Variants in CELF2 observed in about 807,000 individuals in gnomAD.
CELF2 encodes CUGBP Elav-like family member 2.
A neutral mutation model predicts 62.6 loss-of-function variants in CELF2; 8 were observed. The ratio of observed to expected loss-of-function variants is 0.13; its 90% CI spans 0.07 to 0.23. The LOEUF is 0.23. CELF2 is among the 10% of genes least tolerant of loss of function. CELF2 has a pLI of 1.00. For synonymous variants in CELF2, 258 were observed against 250.0 expected (o/e 1.03, Z -0.30); for missense variants, 333 against 671.0 (o/e 0.50, Z 5.56).
chr10:10,820,796 T>G (rs1325639034), intron 1 of CELF2, among the ~76,000 whole-genome samples: 1 of 152,312 alleles, frequency 6.6e-6, no homozygotes, highest in East Asian at 1.9e-4. Context: ...GATTTTGTTC[T>G]CTCATTGTAA....
chr10:10,674,267 G>GT, the CELF2 span, among the ~76,000 whole-genome samples: 814 of 152,198 alleles, frequency 5.3e-3, 5 homozygotes, highest in Middle Eastern at 0.014. Flanking sequence ...ATTTTTATTA[G>GT]TTAATGTCCT....
the CELF2 span, among the ~76,000 whole-genome samples, chr10:10,701,852 G>A: frequency 1.3e-5 from 2 of 152,318 alleles, no homozygotes; most frequent in South Asian, 4.1e-4. Context: ...CCCGTAGTTA[G>A]ACGAATCCCT....
the CELF2 span, among the ~76,000 whole-genome samples, chr10:10,623,085 C>CAA: frequency 0.01 from 573 of 57,188 alleles, 88 homozygotes; most frequent in East Asian, 0.028. Context: ...GACTCCGTCT[C>CAA]AAAAAAAAAA....
chr10:10,891,296 T>G (rs1591599056), intron 1 of CELF2, among the ~76,000 whole-genome samples: 1 of 152,130 alleles, frequency 6.6e-6, no homozygotes, highest in East Asian at 1.9e-4. Flanking sequence ...CAAGCAACAC[T>G]AACTTAGCCT....
rs115184613 is a variant in CELF2, at chr10:11,206,912, G to T, written c.272-10513G>T. 7.5e-3 allele frequency among the ~76,000 whole-genome samples: 1,148 copies of T among 152,274 alleles called. 10 individuals carry two copies. The highest frequency in any genetic ancestry group is 0.026 in the African/African-American group (1,065 of 41,548). ...AATGCACACGTCACCCTACCTTTCT[G>T]ATGCTCAGAGCAGGGTGGGAGAGTT... On this transcript the variant is annotated intron_variant, in intron 2 of 12. Coordinates refer to ENST00000633077, the MANE Select transcript of CELF2 (RefSeq NM_001326342.2).
At chr10:10,630,066 C>G in the CELF2 span, among the ~76,000 whole-genome samples, 1 of 152,048 alleles carries the variant, frequency 6.6e-6, no homozygotes, top group African/African-American at 2.4e-5. Context: ...GCAAGACACT[C>G]CATCTGCTTT....
At chr10:10,753,925 TTTA>T in the CELF2 span, among the ~76,000 whole-genome samples, 1 of 152,118 alleles carries the variant, frequency 6.6e-6, no homozygotes, top group African/African-American at 2.4e-5. Context: ...TAGGTGAGGG[TTTA>T]TTATGAACAG....
chr10:10,691,113 G>A, the CELF2 span, among the ~76,000 whole-genome samples: 18 of 151,578 alleles, frequency 1.2e-4, no homozygotes, highest in African/African-American at 1.7e-4. Context: ...CCACTAACTC[G>A]TCATCTAGCA....
the CELF2 span, among the ~76,000 whole-genome samples, chr10:10,593,142 T>C: frequency 1.3e-5 from 2 of 151,468 alleles, no homozygotes; most frequent in Non-Finnish European, 2.9e-5. Flanking sequence ...GAGCAAGGAG[T>C]GGAGAGACAT....
At chr10:10,662,071 G>A in the CELF2 span, among the ~76,000 whole-genome samples, 1 of 152,060 alleles carries the variant, frequency 6.6e-6, no homozygotes, top group Non-Finnish European at 1.5e-5. Context: ...CCCTGGAGAG[G>A]AGAACAGCTG....
chr10:10,470,361 C>T, the CELF2 span, among the ~76,000 whole-genome samples: 1 of 151,676 alleles, frequency 6.6e-6, no homozygotes, highest in Non-Finnish European at 1.5e-5. Context: ...TACAAGTTTC[C>T]TCTTTTTGAG....
chr10:10,608,513 A>G, the CELF2 span, among the ~76,000 whole-genome samples: 1 of 152,318 alleles, frequency 6.6e-6, no homozygotes, highest in African/African-American at 2.4e-5. Context: ...GTGGGCTTGG[A>G]TAGCTCTGGG....
chr10:11,062,270 A>G (rs2066961528), intron 1 of CELF2, among the ~76,000 whole-genome samples: 1 of 152,260 alleles, frequency 6.6e-6, no homozygotes, highest in Non-Finnish European at 1.5e-5. Context: ...CTAATGCAGC[A>G]TTCATTCTGC....
intron 1 of CELF2, among the ~76,000 whole-genome samples, chr10:11,061,127 A>G (rs1037322992): frequency 1.3e-5 from 2 of 152,260 alleles, no homozygotes; most frequent in African/African-American, 4.8e-5. Context: ...TGGACCAAGC[A>G]TTCTATCCAA....
chr10:10,784,520 GGAAAAT>G, the CELF2 span: 1 of 152,540 alleles, frequency 6.6e-6, no homozygotes, highest in South Asian at 2.1e-4. Context: ...GGATGGAGTG[GGAAAAT>G]GATCTTTCTC....
At chr10:11,152,889 C>T (rs922176879) in intron 1 of CELF2, among the ~76,000 whole-genome samples, 15 of 152,276 alleles carry the variant, frequency 9.9e-5, no homozygotes, top group Admixed American at 7.8e-4. Flanking sequence ...ACCCCAGCAT[C>T]GAGGGAGGTG....
At chr10:10,592,190 CT>C in the CELF2 span, among the ~76,000 whole-genome samples, 6 of 152,330 alleles carry the variant, frequency 3.9e-5, no homozygotes, top group South Asian at 1.0e-3. Flanking sequence ...CAGGAACAAT[CT>C]GTTCATATGC....
intron 6 of CELF2, among the ~76,000 whole-genome samples, chr10:11,266,883 T>G (rs936986030): frequency 9.9e-5 from 15 of 152,176 alleles, no homozygotes; most frequent in African/African-American, 3.6e-4. Context: ...TGAAATGCAT[T>G]TAGGAAAACC....
the CELF2 span, among the ~76,000 whole-genome samples, chr10:10,594,709 G>A: frequency 6.6e-6 from 1 of 152,192 alleles, no homozygotes; most frequent in Non-Finnish European, 1.5e-5. Flanking sequence ...GGAGTGTTGG[G>A]TACTAAGTCA....
Sources: gnomAD v4.1 joint callset for allele counts (sites outside exome capture counted in the v4.1 genomes callset) on GRCh38, gnomAD v4.1.1 for gene constraint, MANE v1.5 for transcripts, NCBI Gene and HGNC (gene_info 2026-07-23, HGNC 2026-07-21) for gene names.